PCDHA10: variants seen among roughly 807,000 people sequenced by gnomAD.
PCDHA10 encodes the protein protocadherin alpha-10.
PCDHA10 carries 45 observed loss-of-function variants against 61.2 expected under a neutral mutation model. That is an observed-to-expected ratio of 0.74 (90% CI 0.58 to 0.94). The LOEUF (loss-of-function observed/expected upper bound fraction) is 0.94, where lower values mean the gene tolerates loss of function less well. PCDHA10 is among the 40% of genes least tolerant of loss of function. The pLI is 0.00. For missense variants in PCDHA10, 1,278 were observed against 1,236.2 expected (o/e 1.03, Z -0.51); for synonymous variants, 602 against 548.8 (o/e 1.10, Z -1.35).
In PCDHA10 at chr5:140,862,537, C is replaced by A. The variant is rs56017024; in HGVS notation, c.2388+4101C>A. The A allele has an allele frequency of 9.8e-3, 4,308 of 440,540 alleles. 34 individuals carry two copies. The highest frequency in any genetic ancestry group is 0.014 in the Non-Finnish European group (3,070 of 217,342). The allele number at this position is 440,540 out of a possible 1,614,324, so 27.3% of individuals were successfully genotyped here. A position where few individuals can be genotyped will look rare whatever the true frequency, so the allele number is the denominator to read the frequency against. On this transcript the variant is annotated intron_variant, in intron 1 of 3. Transcript: ENST00000307360. The stretch of plus-strand genomic sequence containing the variant: ...CATTGTTGGCCACAGCCATCGGGTC[C>A]GTGGAAGTGGCCGAACAGTGAACCA...
At chr5:140,937,370 TTATG>T (rs2091504322) in intron 1 of PCDHA10, among the ~76,000 whole-genome samples, 1 of 152,120 alleles carries the variant, frequency 6.6e-6, no homozygotes, top group South Asian at 2.1e-4. Flanking sequence ...ATCTTAATGT[TTATG>T]TGTGTGTATG....
Position 140,855,916 on chromosome 5 carries a change from A to G in PCDHA10, c.-133A>G, listed in dbSNP as rs2043673154. 8.4e-7 allele frequency: 1 copy of G among 1,191,010 alleles called. No homozygotes were observed. 73.8% of individuals were successfully genotyped at this position (1,191,010 alleles called of 1,614,324 possible). ...GGCATCAGCCAGTTTCTCAAGGACT[A>G]GGAAGTAGCGTCATTCTGAGATCTC... is the stretch of plus-strand genomic sequence containing the variant. On this transcript the variant is annotated 5_prime_UTR_variant, in exon 1 of 4. Coordinates refer to ENST00000307360, the MANE Select transcript of PCDHA10 (RefSeq NM_018901.4).
At chr5:140,928,817 G>A (rs868908592) in intron 1 of PCDHA10, 1 of 1,614,118 alleles carries the variant, frequency 6.2e-7, no homozygotes, top group Non-Finnish European at 8.5e-7. Flanking sequence ...CGGGACCATG[G>A]AGACCCACCA....
chr5:140,928,216 A>T, intron 1 of PCDHA10: 1 of 1,614,188 alleles, frequency 6.2e-7, no homozygotes, highest in Non-Finnish European at 8.5e-7. Context: ...GAATGACAAT[A>T]CACCAAACTT....
chr5:140,882,698 G>A (rs562320262), intron 1 of PCDHA10: 18 of 1,614,200 alleles, frequency 1.1e-5, no homozygotes, highest in Middle Eastern at 1.6e-4. Context: ...AATCATTGCA[G>A]AATCTAGACC....
intron 1 of PCDHA10, among the ~76,000 whole-genome samples, chr5:140,904,727 A>G (rs953402398): frequency 7.2e-5 from 11 of 151,992 alleles, no homozygotes; most frequent in African/African-American, 2.4e-4. Flanking sequence ...GCCAACATCT[A>G]TTATTTTTTT....
intron 1 of PCDHA10, chr5:140,869,914 G>A (rs782742972): frequency 6.2e-7 from 1 of 1,611,078 alleles, no homozygotes; most frequent in South Asian, 1.1e-5. Context: ...AGACCGAGAC[G>A]AAGGAGTCAA....
intron 1 of PCDHA10, among the ~76,000 whole-genome samples, chr5:140,898,790 AT>A (rs1193457354): frequency 2.6e-5 from 4 of 152,112 alleles, no homozygotes; most frequent in African/African-American, 7.2e-5. Flanking sequence ...CAGTATGGCC[AT>A]TTTCACGATA....
intron 1 of PCDHA10, chr5:140,867,134 T>C (rs1162274165): frequency 6.6e-6 from 1 of 152,178 alleles, no homozygotes; most frequent in Non-Finnish European, 1.5e-5. Context: ...AAATATGTGA[T>C]ATTATCATTT....
At chr5:140,975,795 CT>C (rs1219508800) in intron 1 of PCDHA10, among the ~76,000 whole-genome samples, 2 of 151,168 alleles carry the variant, frequency 1.3e-5, no homozygotes, top group Non-Finnish European at 1.5e-5. Flanking sequence ...TAAATTAAAT[CT>C]TTTTTATAAT....
chr5:140,875,349 CTG>C, intron 1 of PCDHA10: 1 of 1,444,894 alleles, frequency 6.9e-7, no homozygotes, highest in Non-Finnish European at 9.1e-7. Context: ...TCCATAATGA[CTG>C]TGATGCTGGA....
chr5:140,907,733 A>C (rs2073566986), intron 1 of PCDHA10, among the ~76,000 whole-genome samples: 1 of 152,162 alleles, frequency 6.6e-6, no homozygotes, highest in Non-Finnish European at 1.5e-5. Context: ...CATCCCTGCC[A>C]CCATGGCCAC....
At position 140,887,996 on chromosome 5, in the gene PCDHA10, AAT is replaced by A. The variant is rs1258672316; in HGVS notation, c.2388+29562_2388+29563del. 4.6e-5 allele frequency among the ~76,000 whole-genome samples: 7 copies of A among 152,330 alleles called. No individual in the cohort carries two copies. In the East Asian group the frequency reaches 7.7e-4, roughly 17 times the overall value. ...AAATTTATTTTACATGTCTCCACCGAATAGTCATCTTTTTATCTATATGTTTG... is the reference window on the plus strand; with the variant it reads ...AAATTTATTTTACATGTCTCCACCGAAGTCATCTTTTTATCTATATGTTTG... On this transcript the variant is annotated intron_variant, in intron 1 of 3. Coordinates refer to ENST00000307360, the MANE Select transcript of PCDHA10 (RefSeq NM_018901.4).
In PCDHA10 at chr5:140,882,516, T is replaced by C. The variant is rs782263799; in HGVS notation, c.2388+24080T>C. ...CTGGAGGTAAATCTGCAGAATGGCA[T>C]TTTGTTTGTGAATTCTCGGATCGAC... is the stretch of plus-strand genomic sequence containing the variant. On this transcript the variant is annotated intron_variant, in intron 1 of 3. Coordinates refer to ENST00000307360, the MANE Select transcript of PCDHA10 (RefSeq NM_018901.4). 1.4e-5 allele frequency: 22 copies of C among 1,614,068 alleles called. No individual in the cohort carries two copies. The highest frequency in any genetic ancestry group is 4.0e-5 in the African/African-American group (3 of 74,944).
At chr5:140,861,374 T>C in intron 1 of PCDHA10, 1 of 409,110 alleles carries the variant, frequency 2.4e-6, no homozygotes, top group Middle Eastern at 9.4e-4. Context: ...CGGTCCCTAT[T>C]GCGCAGGACC....
chr5:140,870,253 G>A (rs782678686), intron 1 of PCDHA10: 2 of 1,614,196 alleles, frequency 1.2e-6, no homozygotes, highest in Non-Finnish European at 1.7e-6. Flanking sequence ...CAACGGACAG[G>A]TGACCTGCTC....
chr5:140,966,726 C>T, intron 1 of PCDHA10: 3 of 1,402,206 alleles, frequency 2.1e-6, no homozygotes, highest in Non-Finnish European at 1.8e-6. Flanking sequence ...GAAGCTGCCG[C>T]CTCCGGCCCT....
chr5:141,007,393 T>C (rs1485010105), intron 3 of PCDHA10, among the ~76,000 whole-genome samples: 2 of 23,410 alleles, frequency 8.5e-5, no homozygotes, highest in African/African-American at 2.3e-4. Context: ...TCTACTAAAA[T>C]ACAAAAAAAA....
rs181858092 is a variant in PCDHA10 at position 140,895,275 on chromosome 5, A to G, written c.2388+36839A>G. The stretch of plus-strand genomic sequence containing the variant: ...TTTCTTTTTTTTCTTACTCAGGGAT[A>G]ATTGAATTAGGACCTTCGATTTCCC... On this transcript the variant is annotated intron_variant, in intron 1 of 3. Transcript: ENST00000307360. 2.0e-5 allele frequency among the ~76,000 whole-genome samples: 3 copies of G among 152,146 alleles called. No individual in the cohort carries two copies. The East Asian group carries it at 5.8e-4, about 29-fold the overall frequency.
Sources: gnomAD v4.1 joint callset for allele counts (sites outside exome capture counted in the v4.1 genomes callset) on GRCh38, gnomAD v4.1.1 for gene constraint, MANE v1.5 for transcripts, NCBI Gene and HGNC (gene_info 2026-07-23, HGNC 2026-07-21) for gene names.